The following PPP2R5D variants were observed in gnomAD, a reference collection of about 807,000 sequenced individuals.
PPP2R5D encodes protein phosphatase 2 regulatory subunit B'delta.
A neutral mutation model predicts 79.1 loss-of-function variants in PPP2R5D; 12 were observed. That is an observed-to-expected ratio of 0.15 (90% CI 0.10 to 0.25). PPP2R5D has a LOEUF of 0.25. Ranked by LOEUF, PPP2R5D falls within the 10% of genes least tolerant of loss-of-function variation. The probability of loss-of-function intolerance (pLI) is 1.00; values close to 1 mark genes in which losing one functional copy is unlikely to be tolerated. For missense variants in PPP2R5D, 419 were observed against 760.2 expected, an observed-to-expected ratio of 0.55 and a Z score of 5.28; for synonymous variants, 277 against 286.6, an observed-to-expected ratio of 0.97 and a Z score of 0.34.
Position 43,008,145 on chromosome 6 carries a change from A to G in PPP2R5D, c.858-56A>G. 6.2e-7 allele frequency: 1 copy of G among 1,613,970 alleles called. No homozygotes were observed. The highest frequency in any genetic ancestry group is 8.5e-7 in the Non-Finnish European group (1 of 1,179,926). ...GGGAGCAGGGAGGTGGGGGGACTGTACAGAATGCTGGAGGGACATCAGGGG... is the reference window on the plus strand; with the variant it reads ...GGGAGCAGGGAGGTGGGGGGACTGTGCAGAATGCTGGAGGGACATCAGGGG... On this transcript the variant is annotated intron_variant, in intron 7 of 15. Transcript: ENST00000485511. The surrounding 1 kb of genome is among the most constrained non-coding windows in gnomAD (Gnocchi z 4.2).
At chr6:42,998,015 T>TTATATATATATA (rs1561843629) in intron 2 of PPP2R5D, among the ~76,000 whole-genome samples, 25 of 32,324 alleles carry the variant, frequency 7.7e-4, no homozygotes, top group East Asian at 9.9e-4. Context: ...TGGGTTTTAT[T>TTATATATATATA]TATATATATA....
chr6:42,995,833 A>G (rs1334532908), intron 2 of PPP2R5D, among the ~76,000 whole-genome samples: 1 of 147,248 alleles, frequency 6.8e-6, no homozygotes, highest in African/African-American at 2.5e-5. Flanking sequence ...TTTTCCCCTC[A>G]GCCCCGAGTA....
At chr6:43,005,317 T>C (rs1055909031) in intron 2 of PPP2R5D, among the ~76,000 whole-genome samples, 4 of 152,074 alleles carry the variant, frequency 2.6e-5, no homozygotes, top group African/African-American at 7.2e-5. Flanking sequence ...CAGTGTTGTT[T>C]TGTTGTTCAG....
At chr6:42,997,114 G>A (rs901718599) in intron 2 of PPP2R5D, among the ~76,000 whole-genome samples, 19 of 152,128 alleles carry the variant, frequency 1.2e-4, no homozygotes, top group African/African-American at 4.6e-4. Flanking sequence ...TTGTGTCTCA[G>A]CCTCCTGAGT....
chr6:43,003,234 C>T (rs1761874981), intron 2 of PPP2R5D, among the ~76,000 whole-genome samples: 1 of 151,990 alleles, frequency 6.6e-6, no homozygotes, highest in Admixed American at 6.6e-5. Flanking sequence ...ACCAGCCTGG[C>T]CAACGTGGAG....
chr6:43,005,086 C>A (rs1234101241), intron 2 of PPP2R5D, among the ~76,000 whole-genome samples: 1 of 151,090 alleles, frequency 6.6e-6, no homozygotes, highest in Non-Finnish European at 1.5e-5. Flanking sequence ...TCCTGATATT[C>A]CATTTATTCA....
intron 2 of PPP2R5D, among the ~76,000 whole-genome samples, chr6:43,000,913 T>A (rs944166436): frequency 4.6e-5 from 7 of 152,088 alleles, no homozygotes; most frequent in African/African-American, 1.7e-4. Context: ...CCCAGAGGGG[T>A]ACAAACAGGG....
intron 2 of PPP2R5D, among the ~76,000 whole-genome samples, chr6:42,998,717 G>A (rs1484801288): frequency 6.6e-6 from 1 of 151,940 alleles, no homozygotes; most frequent in Non-Finnish European, 1.5e-5. Flanking sequence ...GGGCAACATG[G>A]TGAAACCCTG....
chr6:43,009,038 T>C lies in PPP2R5D; in HGVS notation c.1081-19T>C, dbSNP rs763373368. The C allele has an allele frequency of 3.1e-6, 5 of 1,611,686 alleles. No individual in the cohort carries two copies. The East Asian group carries it at 8.9e-5, about 29-fold the overall frequency. On this transcript the variant is annotated intron_variant, in intron 10 of 15. Transcript: ENST00000485511. The surrounding 1 kb of genome is among the most constrained non-coding windows in gnomAD (Gnocchi z 5.6). ...CAGGTGCAAAGAATTTTCATCCCCA[T>C]GCCCTCCTTGTCTCCCAGGTAATTG...
At chr6:42,996,618 C>T (rs1244162640) in intron 2 of PPP2R5D, among the ~76,000 whole-genome samples, 1 of 152,216 alleles carries the variant, frequency 6.6e-6, no homozygotes, top group Non-Finnish European at 1.5e-5. Context: ...GTTCAGTTAG[C>T]TGCATTTGTG....
At position 43,006,301 on chromosome 6, in the gene PPP2R5D, AG is replaced by A; in HGVS notation, c.106-161del. On this transcript the variant is annotated intron_variant, in intron 2 of 15. Transcript: ENST00000485511. This position sits in a 1 kb window ranked among gnomAD's most constrained non-coding sequence, Gnocchi z 4.7. ...CTTGACTGCTCCCTGCCAGGGCTAC[AG>A]CACAGTTATCTCTGTAACCCTGGCC... The A allele has an allele frequency of 7.6e-7, 1 of 1,319,060 alleles. No individual in the cohort carries two copies. The highest frequency in any genetic ancestry group is 1.0e-6 in the Non-Finnish European group (1 of 994,626). 81.7% of individuals were successfully genotyped at this position (1,319,060 alleles called of 1,614,324 possible).
At chr6:43,001,565 T>C (rs1271528068) in intron 2 of PPP2R5D, among the ~76,000 whole-genome samples, 3 of 152,036 alleles carry the variant, frequency 2.0e-5, no homozygotes, top group African/African-American at 7.2e-5. Context: ...ATAGTAGTGG[T>C]GGTAGTAGAA....
rs567334499 is a variant in PPP2R5D at position 43,008,135 on chromosome 6, G to T, written c.858-66G>T. On this transcript the variant is annotated intron_variant, in intron 7 of 15. Coordinates refer to ENST00000485511, the MANE Select transcript of PPP2R5D (RefSeq NM_006245.4). This position sits in a 1 kb window ranked among gnomAD's most constrained non-coding sequence, Gnocchi z 4.2. Reference sequence around the variant, plus strand: ...GAGGTGGGGTGGGAGCAGGGAGGTGGGGGGACTGTACAGAATGCTGGAGGG... The same window carrying T: ...GAGGTGGGGTGGGAGCAGGGAGGTGTGGGGACTGTACAGAATGCTGGAGGG... 294 of 1,613,876 alleles carry T rather than the reference G, an allele frequency of 1.8e-4. No homozygotes were observed. The highest frequency in any genetic ancestry group is 3.7e-4 in the Admixed American group (22 of 59,998).
intron 2 of PPP2R5D, among the ~76,000 whole-genome samples, chr6:42,998,020 TA>T (rs1771849089): frequency 1.1e-3 from 10 of 9,160 alleles, no homozygotes; most frequent in African/African-American, 4.1e-3. Context: ...TTTATTTATA[TA>T]TATATATATA....
At chr6:42,984,789 C>T in intron 1 of PPP2R5D, 85 bp downstream of exon 1, 1 of 1,579,884 alleles carries the variant, frequency 6.3e-7, no homozygotes, top group African/African-American at 1.4e-5. Context: ...CGGGACAGCC[C>T]CAGACTGACC....
chr6:43,011,110 T>C, intron 15 of PPP2R5D, 39 bp from the exon 16 acceptor site: 1 of 1,613,652 alleles, frequency 6.2e-7, no homozygotes, highest in East Asian at 2.2e-5. Flanking sequence ...TCACTGGGAA[T>C]TGGTCACCAT....
chr6:42,991,819 T>C lies in PPP2R5D; in HGVS notation c.105+2131T>C, dbSNP rs1667204757. 2.6e-5 allele frequency among the ~76,000 whole-genome samples: 4 copies of C among 152,182 alleles called. No individual in the cohort carries two copies. The South Asian group carries it at 6.2e-4, about 24-fold the overall frequency. ...CAACTGCTATGATTTATCCACTGCC[T>C]TTCAAACAAATATGCCTAAGACAAT... On this transcript the variant is annotated intron_variant, in intron 2 of 15. Coordinates refer to ENST00000485511, the MANE Select transcript of PPP2R5D (RefSeq NM_006245.4).
chr6:43,009,052 C>G lies in PPP2R5D; in HGVS notation c.1081-5C>G. On this transcript the variant is annotated splice_region_variant and splice_polypyrimidine_tract_variant and intron_variant, in intron 10 of 15. Coordinates refer to ENST00000485511, the MANE Select transcript of PPP2R5D (RefSeq NM_006245.4). This position sits in a 1 kb window ranked among gnomAD's most constrained non-coding sequence, Gnocchi z 5.6. The stretch of plus-strand genomic sequence containing the variant: ...TTTCATCCCCATGCCCTCCTTGTCT[C>G]CCAGGTAATTGTGGGACTTCTCAAG... 1 of 1,613,182 alleles carries G rather than the reference C, an allele frequency of 6.2e-7. No individual in the cohort carries two copies. Among genetic ancestry groups the G allele is most frequent in the South Asian group, 1.1e-5 (1 of 91,028 alleles).
rs889250251 is a variant in PPP2R5D at position 42,995,126 on chromosome 6, C to CTTTT, written c.105+5456_105+5459dup. Among the ~76,000 whole-genome samples the CTTTT allele has an allele frequency of 1.9e-3, 205 of 106,268 alleles. 2 individuals carry two copies. Among genetic ancestry groups the CTTTT allele is most frequent in the African/African-American group, 4.1e-3 (99 of 24,056 alleles). The allele number at this position is 106,268 out of a possible 152,430, so 69.7% of individuals were successfully genotyped here. On this transcript the variant is annotated intron_variant, in intron 2 of 15. Transcript: ENST00000485511. The stretch of plus-strand genomic sequence containing the variant: ...TTGTGTCCCACCGAACTTTTTCTTT[C>CTTTT]TTTTTTTTTTTTTTTTTTTTTGGAG...
Sources: allele counts gnomAD v4.1 joint callset (sites outside exome capture counted in the v4.1 genomes callset), GRCh38; gene constraint gnomAD v4.1.1; non-coding constraint Gnocchi (gnomAD v3.1); transcripts MANE v1.5; gene names NCBI Gene and HGNC (gene_info 2026-07-23, HGNC 2026-07-21).